The following TET1 variants were observed in gnomAD, a reference collection of about 807,000 sequenced individuals.
TET1 encodes tet methylcytosine dioxygenase 1.
A neutral mutation model predicts 148.7 loss-of-function variants in TET1; 13 were observed. That is an observed-to-expected ratio of 0.09 (90% CI 0.06 to 0.14). The LOEUF (loss-of-function observed/expected upper bound fraction) is 0.14. TET1 is among the 10% of genes least tolerant of loss of function. The pLI, the probability that TET1 is intolerant of heterozygous loss-of-function variation, is 1.00. For synonymous variants in TET1, 907 were observed against 937.2 expected (o/e 0.97, Z 0.59); for missense variants, 2,182 against 2,553.8 (o/e 0.85, Z 3.14).
chr10:68,624,644 CTT>C lies in TET1; in HGVS notation c.1969-20052_1969-20051del, dbSNP rs1216191035. Among the ~76,000 whole-genome samples the C allele has an allele frequency of 2.1e-4, 11 of 51,470 alleles. No homozygotes were observed. The South Asian group carries it at 2.7e-3, about 13-fold the overall frequency. The allele number at this position is 51,470 out of a possible 152,430, so 33.8% of individuals were successfully genotyped here. On this transcript the variant is annotated intron_variant, in intron 3 of 11. Coordinates refer to ENST00000373644, the MANE Select transcript of TET1 (RefSeq NM_030625.3). ...TCTTTCTTTCTTTCTTTCTTTCTTT[CTT>C]TCTTTCTTTCTTTCTCTCTCTCTCT...
chr10:68,636,981 TTG>T (rs1554940595), intron 3 of TET1, among the ~76,000 whole-genome samples: 16 of 102,484 alleles, frequency 1.6e-4, no homozygotes, highest in Middle Eastern at 5.3e-3. Flanking sequence ...ATTTTACTCG[TTG>T]TGTGTGTGTG....
At position 68,626,255 on chromosome 10, in the gene TET1, T is replaced by TTTTTG. The variant is rs547838161; in HGVS notation, c.1969-18419_1969-18415dup. Reference sequence around the variant, plus strand: ...TTTTTCTCTTTACTCGTTTTTTTATTTTTTGTTTTGTTTTGTTTTGTTTTG... The same window carrying TTTTTG: ...TTTTTCTCTTTACTCGTTTTTTTATTTTTTGTTTTGTTTTGTTTTGTTTTGTTTTG... On this transcript the variant is annotated intron_variant, in intron 3 of 11. Coordinates refer to ENST00000373644, the MANE Select transcript of TET1 (RefSeq NM_030625.3). 1.7e-3 allele frequency among the ~76,000 whole-genome samples: 261 copies of TTTTTG among 151,946 alleles called. 1 individual carries two copies. The highest frequency in any genetic ancestry group is 6.8e-3 in the Middle Eastern group (2 of 294).
intron 3 of TET1, among the ~76,000 whole-genome samples, chr10:68,624,190 G>A (rs192572472): frequency 1.3e-5 from 2 of 151,156 alleles, no homozygotes; most frequent in Non-Finnish European, 1.5e-5. Flanking sequence ...TCCCCATCCC[G>A]GGTTCAAGCA....
At chr10:68,589,662 ATTTT>A (rs57278279) in intron 2 of TET1, among the ~76,000 whole-genome samples, 15 of 109,738 alleles carry the variant, frequency 1.4e-4, no homozygotes, top group South Asian at 8.6e-4. Flanking sequence ...AATATCTCCA[ATTTT>A]TTTTTTTTTT....
chr10:68,562,971 A>G (rs941943598), intron 1 of TET1, among the ~76,000 whole-genome samples: 4 of 151,430 alleles, frequency 2.6e-5, no homozygotes, highest in Non-Finnish European at 5.9e-5. Context: ...GTTTTTTACT[A>G]TACATTTCTT....
rs71470530 is a variant in TET1 at position 68,595,612 on chromosome 10, C to CTTTTTTTTTTT, written c.1915-5357_1915-5347dup. 2.3e-3 allele frequency among the ~76,000 whole-genome samples: 173 copies of CTTTTTTTTTTT among 76,506 alleles called. 9 individuals are homozygous for CTTTTTTTTTTT. The highest frequency in any genetic ancestry group is 8.2e-3 in the African/African-American group (161 of 19,636). The allele number at this position is 76,506 out of a possible 152,430, so 50.2% of individuals were successfully genotyped here. A position where few individuals can be genotyped will look rare whatever the true frequency, so the allele number is the denominator to read the frequency against. On this transcript the variant is annotated intron_variant, in intron 2 of 11. Coordinates refer to ENST00000373644, the MANE Select transcript of TET1 (RefSeq NM_030625.3). ...CACAACACACACACACACACAGCTT[C>CTTTTTTTTTTT]TTTTTTTTTTTTTTTTTTTTTTGAG...
chr10:68,632,360 G>T lies in TET1; in HGVS notation c.1969-12338G>T. On this transcript the variant is annotated intron_variant, in intron 3 of 11. Transcript: ENST00000373644. ...AGGGTGCAGGGCGGGTGGAGTCGCGGAGTAGTCCTCATGGCCTCCACGCCG... is the reference window on the plus strand; with the variant it reads ...AGGGTGCAGGGCGGGTGGAGTCGCGTAGTAGTCCTCATGGCCTCCACGCCG... 3 of 1,591,010 alleles carry T rather than the reference G, an allele frequency of 1.9e-6. No homozygotes were observed. The Admixed American group carries it at 5.0e-5, about 27-fold the overall frequency.
intron 3 of TET1, among the ~76,000 whole-genome samples, chr10:68,620,406 G>A (rs2054353445): frequency 6.6e-6 from 1 of 152,082 alleles, no homozygotes; most frequent in East Asian, 1.9e-4. Flanking sequence ...TCAAACAATG[G>A]CATCATATAG....
intron 6 of TET1, among the ~76,000 whole-genome samples, chr10:68,666,530 G>A (rs2055198043): frequency 6.6e-6 from 1 of 152,164 alleles, no homozygotes; most frequent in Non-Finnish European, 1.5e-5. Context: ...GTTCCCTTGT[G>A]ACATTTGTGG....
At chr10:68,579,817 C>T (rs1014197518) in intron 2 of TET1, among the ~76,000 whole-genome samples, 4 of 152,108 alleles carry the variant, frequency 2.6e-5, no homozygotes, top group African/African-American at 4.8e-5. Flanking sequence ...CAGCAGTATA[C>T]GACTGCATAC....
intron 3 of TET1, among the ~76,000 whole-genome samples, chr10:68,607,678 G>T (rs2054144877): frequency 1.3e-5 from 2 of 150,986 alleles, no homozygotes; most frequent in South Asian, 4.2e-4. Context: ...TTCTCCTCAG[G>T]CTCCCAAAGT....
In TET1 at chr10:68,690,999, G is replaced by A. The variant is rs767435262; in HGVS notation, c.5596G>A (p.Ala1866Thr). 5 of 1,614,172 alleles carry A rather than the reference G, an allele frequency of 3.1e-6. No individual in the cohort carries two copies. Among genetic ancestry groups the A allele is most frequent in the Middle Eastern group, 1.6e-4 (1 of 6,062 alleles). Residue 1866 changes from alanine (A) to threonine (T), a missense_variant, in exon 12 of 12, where the codon GCA becomes ACA. Physicochemically the swap from Ala to Thr is moderately conservative, Grantham distance 58. This residue lies in a region of TET1 where 380 missense variants were observed against 387.9 expected (regional missense o/e 0.98). Coordinates refer to ENST00000373644, the MANE Select transcript of TET1 (RefSeq NM_030625.3). ...CACACCAGCTCCACTGAAGAATGAC[G>A]CAACAGCCTCATGCGGGTTTTCAGA... ...SATPAPLKNDATASCGFSERS... is the reference protein window; with the variant it reads ...SATPAPLKNDTTASCGFSERS...
In TET1 at chr10:68,573,844, G is replaced by C; in HGVS notation, c.1506G>C (p.Gln502His). The change falls in exon 2 of 12, where the codon CAG (glutamine) becomes CAC (histidine). Residue 502 changes from glutamine to histidine, a missense_variant. Physicochemically the swap from Gln to His is conservative, Grantham distance 24 (BLOSUM62 0). Transcript: ENST00000373644. Reference sequence around the variant, plus strand: ...TAAGCAATGTAGAAAATGAGAAGCAGGTTCATATAAGCTTCCTGCCAGCTA... The same window carrying C: ...TAAGCAATGTAGAAAATGAGAAGCACGTTCATATAAGCTTCCTGCCAGCTA... ...MAISNVENEK[Q>H]VHISFLPANT... is the part of the protein sequence containing the mutation. 1 of 1,614,094 alleles carries C rather than the reference G, an allele frequency of 6.2e-7. No homozygotes were observed. The highest frequency in any genetic ancestry group is 8.5e-7 in the Non-Finnish European group (1 of 1,180,026).
At chr10:68,660,024 C>T (rs954393504) in intron 6 of TET1, among the ~76,000 whole-genome samples, 1 of 152,140 alleles carries the variant, frequency 6.6e-6, no homozygotes, top group Non-Finnish European at 1.5e-5. Context: ...ATTTACTCTA[C>T]TTTGTCTCTT....
intron 1 of TET1, among the ~76,000 whole-genome samples, 194 bp from the exon 2 acceptor site, chr10:68,572,023 G>A (rs916259075): frequency 6.6e-6 from 1 of 152,152 alleles, no homozygotes; most frequent in African/African-American, 2.4e-5. Context: ...GGGCTGAAGT[G>A]GGAAGATTGC....
chr10:68,597,134 A>G (rs1045314416), intron 2 of TET1, among the ~76,000 whole-genome samples: 1 of 148,504 alleles, frequency 6.7e-6, no homozygotes, highest in African/African-American at 2.5e-5. Context: ...CCCAGGTTCA[A>G]GTGATCCTCC....
At chr10:68,686,315 A>AC (rs2055507888) in intron 10 of TET1, 41 bp from the exon 11 acceptor site, 1 of 1,507,582 alleles carries the variant, frequency 6.6e-7, no homozygotes, top group Non-Finnish European at 8.9e-7. Flanking sequence ...AATGTGCACG[A>AC]CCCGTATATC....
chr10:68,583,124 A>G (rs1307763106), intron 2 of TET1, among the ~76,000 whole-genome samples: 1 of 152,164 alleles, frequency 6.6e-6, no homozygotes, highest in Non-Finnish European at 1.5e-5. Context: ...TCCAAGTTAC[A>G]CTGTGATGTA....
chr10:68,602,567 G>A (rs1052142418), intron 3 of TET1, among the ~76,000 whole-genome samples: 2 of 152,298 alleles, frequency 1.3e-5, no homozygotes, highest in South Asian at 2.1e-4. Flanking sequence ...CTTTGGGAAT[G>A]CAATTTAATT....
Sources: allele counts gnomAD v4.1 joint callset (sites outside exome capture counted in the v4.1 genomes callset), GRCh38; gene constraint gnomAD v4.1.1; regional missense constraint gnomAD v4.1.1; transcripts MANE v1.5; gene names NCBI Gene and HGNC (gene_info 2026-07-23, HGNC 2026-07-21).